Variants in TAS2R5 observed in about 807,000 individuals in gnomAD.
TAS2R5 encodes taste 2 receptor member 5.
Under a neutral mutation model 14.4 loss-of-function variants are expected in TAS2R5, and 11 were observed. The ratio of observed to expected loss-of-function variants is 0.77; its 90% CI spans 0.48 to 1.27. The LOEUF is 1.27. Among genes scored for constraint, TAS2R5 ranks in the 50% most tolerant of loss-of-function variants. The pLI is 0.00. For missense variants in TAS2R5, 339 were observed against 353.9 expected, an observed-to-expected ratio of 0.96 and a Z score of 0.34; for synonymous variants, 120 against 137.1, an observed-to-expected ratio of 0.87 and a Z score of 0.87.
At position 141,791,053 on chromosome 7, in the gene TAS2R5, A is replaced by T. The variant is rs756048842; in HGVS notation, c.692A>T (p.His231Leu). ...LKSLGCFLLL[H>L]LVYIMASPFS... ...TCCTTGGGCTGCTTCCTCTTACTTC[A>T]CCTGGTTTATATCATGGCCAGCCCC... The change falls in exon 1 of 1, where the codon CAC becomes CTC. Residue 231 changes from histidine to leucine, a missense_variant. His to Leu is a moderately conservative substitution (Grantham distance 99, BLOSUM62 -3). Coordinates refer to ENST00000247883, the MANE Select transcript of TAS2R5 (RefSeq NM_018980.3). The T allele has an allele frequency of 6.2e-7, 1 of 1,614,118 alleles. No individual in the cohort carries two copies. The highest frequency in any genetic ancestry group is 2.2e-5 in the East Asian group (1 of 44,886).
rs1240141220 is a variant in TAS2R5, at chr7:141,790,628, C to T, written c.267C>T (p.Ser89=). Residue 89 remains serine, a synonymous_variant, in exon 1 of 1, where the codon AGC becomes AGT. Coordinates refer to ENST00000247883, the MANE Select transcript of TAS2R5 (RefSeq NM_018980.3). ...RYLSIFWVLV[S]QASLWFATFL... ...TTAGTATCTTCTGGGTCCTGGTAAG[C>T]CAGGCCAGCTTATGGTTTGCCACCT... The T allele has an allele frequency of 1.9e-6, 3 of 1,614,044 alleles. No individual in the cohort carries two copies. Among genetic ancestry groups the T allele is most frequent in the Non-Finnish European group, 2.5e-6 (3 of 1,180,044 alleles).
chr7:141,791,322 G>C lies in TAS2R5; in HGVS notation c.*61G>C. ...ACGCTCTTTTGATAGCTCTCTATAA[G>C]GGAGCTGCTTTCCATGTCTTTTAAG... is the stretch of plus-strand genomic sequence containing the variant. On this transcript the variant is annotated 3_prime_UTR_variant, in exon 1 of 1. Coordinates refer to ENST00000247883, the MANE Select transcript of TAS2R5 (RefSeq NM_018980.3). The C allele has an allele frequency of 6.7e-7, 1 of 1,485,626 alleles. No homozygotes were observed. Among genetic ancestry groups the C allele is most frequent in the South Asian group, 1.3e-5 (1 of 74,182 alleles). 92.0% of individuals were successfully genotyped at this position (1,485,626 alleles called of 1,614,324 possible). A position where few individuals can be genotyped will look rare whatever the true frequency, so the allele number is the denominator to read the frequency against.
rs1161550220 is a variant in TAS2R5 at position 141,790,435 on chromosome 7, G to T, written c.74G>T (p.Gly25Val). ...VEFLIGLIGN[G>V]SLVVWSFREW... ...TTTCTCATCGGTTTAATTGGAAATG[G>T]AAGCCTGGTGGTCTGGAGTTTTAGA... Residue 25 changes from glycine (G) to valine (V), a missense_variant, in exon 1 of 1, where the codon GGA becomes GTA. Physicochemically the swap from Gly to Val is moderately radical, Grantham distance 109. Transcript: ENST00000247883. The T allele has an allele frequency of 6.2e-7, 1 of 1,614,078 alleles. No homozygotes were observed. The highest frequency in any genetic ancestry group is 8.5e-7 in the Non-Finnish European group (1 of 1,180,032).
At chr7:141,790,639 T>G in the TAS2R5 span, 19 of 1,614,056 alleles carry the variant, frequency 1.2e-5, no homozygotes, top group Non-Finnish European at 1.6e-5. Flanking sequence ...CAGGCCAGCT[T>G]ATGGTTTGCC....
chr7:141,791,295 G>A lies in TAS2R5; in HGVS notation c.*34G>A. ...GAAAAGTGTGGTCAGGACACTCTTG[G>A]GACGCTCTTTTGATAGCTCTCTATA... On this transcript the variant is annotated 3_prime_UTR_variant, in exon 1 of 1. Coordinates refer to ENST00000247883, the MANE Select transcript of TAS2R5 (RefSeq NM_018980.3). 1 of 1,574,258 alleles carries A rather than the reference G, an allele frequency of 6.4e-7. No homozygotes were observed.
In TAS2R5 at chr7:141,791,328, TGCTTTCCATGTC is replaced by T; in HGVS notation, c.*68_*79del. 2 of 1,455,054 alleles carry T rather than the reference TGCTTTCCATGTC, an allele frequency of 1.4e-6. No individual in the cohort carries two copies. The highest frequency in any genetic ancestry group is 1.4e-5 in the South Asian group (1 of 72,474). The allele number at this position is 1,455,054 out of a possible 1,614,324, so 90.1% of individuals were successfully genotyped here. A position where few individuals can be genotyped will look rare whatever the true frequency, so the allele number is the denominator to read the frequency against. On this transcript the variant is annotated 3_prime_UTR_variant, in exon 1 of 1. Coordinates refer to ENST00000247883, the MANE Select transcript of TAS2R5 (RefSeq NM_018980.3). ...TTTTGATAGCTCTCTATAAGGGAGC[TGCTTTCCATGTC>T]TTTTAAGATTTTCCTTCTTTTACAC...
chr7:141,790,845 T>C lies in TAS2R5; in HGVS notation c.484T>C (p.Phe162Leu), dbSNP rs754263571. Reference sequence around the variant, plus strand: ...AGGAAACAGCAGCATTCGGTATCCCTTTGAAAGCTGGCAGTACCTGTATGC... The same window carrying C: ...AGGAAACAGCAGCATTCGGTATCCCCTTGAAAGCTGGCAGTACCTGTATGC... Reference protein sequence around the residue: ...PQGNSSIRYPFESWQYLYAFQ... With the variant: ...PQGNSSIRYPLESWQYLYAFQ... The change falls in exon 1 of 1, where the codon TTT becomes CTT. Residue 162 changes from phenylalanine to leucine, a missense_variant. Physicochemically the swap from Phe to Leu is conservative, Grantham distance 22. Transcript: ENST00000247883. 2 of 1,614,128 alleles carry C rather than the reference T, an allele frequency of 1.2e-6. No individual in the cohort carries two copies. The highest frequency in any genetic ancestry group is 2.2e-5 in the South Asian group (2 of 91,062).
Position 141,791,201 on chromosome 7 carries a change from G to C in TAS2R5, c.840G>C (p.Lys280Asn), listed in dbSNP as rs778563102. 6.2e-7 allele frequency: 1 copy of C among 1,613,946 alleles called. No homozygotes were observed. Among genetic ancestry groups the C allele is most frequent in the Non-Finnish European group, 8.5e-7 (1 of 1,179,976 alleles). ...TGATCATGGGGATTCCTAGGGTGAAGCAGACTTGTCAGAAGATCCTGTGGA... is the reference window on the plus strand; with the variant it reads ...TGATCATGGGGATTCCTAGGGTGAACCAGACTTGTCAGAAGATCCTGTGGA... Reference protein sequence around the residue: ...LILIMGIPRVKQTCQKILWKT... With the variant: ...LILIMGIPRVNQTCQKILWKT... Residue 280 changes from lysine (K) to asparagine (N), a missense_variant, in exon 1 of 1, where the codon AAG becomes AAC. By Grantham distance (94) the Lys-to-Asn change is moderately conservative. Coordinates refer to ENST00000247883, the MANE Select transcript of TAS2R5 (RefSeq NM_018980.3).
Position 141,790,898 on chromosome 7 carries a change from G to C in TAS2R5, c.537G>C (p.Leu179Phe). 1 of 1,614,154 alleles carries C rather than the reference G, an allele frequency of 6.2e-7. No homozygotes were observed. The highest frequency in any genetic ancestry group is 8.5e-7 in the Non-Finnish European group (1 of 1,180,030). The part of the protein sequence containing the change: ...YAFQLNSGSY[L>F]PLVVFLVSSG... ...TTCAGCTCAATTCAGGAAGTTATTT[G>C]CCTTTAGTGGTGTTTCTTGTTTCCT... The change falls in exon 1 of 1, where the codon TTG becomes TTC. Residue 179 changes from leucine to phenylalanine, a missense_variant. Coordinates refer to ENST00000247883, the MANE Select transcript of TAS2R5 (RefSeq NM_018980.3).
chr7:141,791,043 C>T lies in TAS2R5; in HGVS notation c.682C>T (p.Leu228Phe), dbSNP rs747180926. 4.5e-5 allele frequency: 72 copies of T among 1,614,204 alleles called. No homozygotes were observed. The highest frequency in any genetic ancestry group is 6.0e-5 in the Non-Finnish European group (71 of 1,180,046). ...TGCGCTGAAGTCCTTGGGCTGCTTCCTCTTACTTCACCTGGTTTATATCAT... is the reference window on the plus strand; with the variant it reads ...TGCGCTGAAGTCCTTGGGCTGCTTCTTCTTACTTCACCTGGTTTATATCAT... ...ITALKSLGCF[L>F]LLHLVYIMAS... The change falls in exon 1 of 1, where the codon CTC (leucine) becomes TTC (phenylalanine). Residue 228 changes from leucine to phenylalanine, a missense_variant. Leu to Phe is a conservative substitution (Grantham distance 22). Transcript: ENST00000247883.
chr7:141,791,199 A>T, the TAS2R5 span: 3 of 1,614,034 alleles, frequency 1.9e-6, no homozygotes, highest in Non-Finnish European at 8.5e-7. Context: ...TCCTAGGGTG[A>T]AGCAGACTTG....
Position 141,790,731 on chromosome 7 carries a change from A to C in TAS2R5, c.370A>C (p.Asn124His), listed in dbSNP as rs138540211. 1.4e-5 allele frequency: 23 copies of C among 1,614,032 alleles called. No homozygotes were observed. Among genetic ancestry groups the C allele is most frequent in the Non-Finnish European group, 1.9e-5 (23 of 1,180,034 alleles). Reference protein sequence around the residue: ...AYLWLKQRAYNLSLWCLLGYF... With the variant: ...AYLWLKQRAYHLSLWCLLGYF... Reference sequence around the variant, plus strand: ...CTTGTGGCTGAAGCAGAGGGCCTATAACCTGAGTCTCTGGTGCCTTCTGGG... The same window carrying C: ...CTTGTGGCTGAAGCAGAGGGCCTATCACCTGAGTCTCTGGTGCCTTCTGGG... Residue 124 changes from asparagine (N) to histidine (H), a missense_variant, in exon 1 of 1, where the codon AAC (asparagine) becomes CAC (histidine). Asn to His is a moderately conservative substitution (Grantham distance 68). Coordinates refer to ENST00000247883, the MANE Select transcript of TAS2R5 (RefSeq NM_018980.3).
chr7:141,790,648 C>T lies in TAS2R5; in HGVS notation c.287C>T (p.Ala96Val), dbSNP rs868390910. 3 of 1,614,030 alleles carry T rather than the reference C, an allele frequency of 1.9e-6. No homozygotes were observed. The African/African-American group carries it at 4.0e-5, about 22-fold the overall frequency. ...VLVSQASLWFATFLSVFYCKK... is the reference protein window; with the variant it reads ...VLVSQASLWFVTFLSVFYCKK... Reference sequence around the variant, plus strand: ...GTAAGCCAGGCCAGCTTATGGTTTGCCACCTTCCTCAGTGTCTTCTATTGC... The same window carrying T: ...GTAAGCCAGGCCAGCTTATGGTTTGTCACCTTCCTCAGTGTCTTCTATTGC... The change falls in exon 1 of 1, where the codon GCC becomes GTC. Residue 96 changes from alanine to valine, a missense_variant. By Grantham distance (64) the Ala-to-Val change is moderately conservative. Coordinates refer to ENST00000247883, the MANE Select transcript of TAS2R5 (RefSeq NM_018980.3).
Position 141,790,347 on chromosome 7 carries a change from C to T in TAS2R5, c.-15C>T. The T allele has an allele frequency of 6.2e-7, 1 of 1,609,876 alleles. No homozygotes were observed. The highest frequency in any genetic ancestry group is 8.5e-7 in the Non-Finnish European group (1 of 1,177,828). On this transcript the variant is annotated 5_prime_UTR_variant, in exon 1 of 1. Transcript: ENST00000247883. ...GACCTCAGCCAGGAGCAGTGAGAGCCTCCTCTCCCCAGCCATGCTGAGCGC... is the reference window on the plus strand; with the variant it reads ...GACCTCAGCCAGGAGCAGTGAGAGCTTCCTCTCCCCAGCCATGCTGAGCGC...
Position 141,790,878 on chromosome 7 carries a change from C to T in TAS2R5, c.517C>T (p.Leu173Phe). ...CTGGCAGTACCTGTATGCATTTCAGCTCAATTCAGGAAGTTATTTGCCTTT... is the reference window on the plus strand; with the variant it reads ...CTGGCAGTACCTGTATGCATTTCAGTTCAATTCAGGAAGTTATTTGCCTTT... ...ESWQYLYAFQ[L>F]NSGSYLPLVV... Residue 173 changes from leucine (L) to phenylalanine (F), a missense_variant, in exon 1 of 1, where the codon CTC becomes TTC. By Grantham distance (22) the Leu-to-Phe change is conservative. Coordinates refer to ENST00000247883, the MANE Select transcript of TAS2R5 (RefSeq NM_018980.3). 6.2e-7 allele frequency: 1 copy of T among 1,614,154 alleles called. No homozygotes were observed. Among genetic ancestry groups the T allele is most frequent in the Non-Finnish European group, 8.5e-7 (1 of 1,180,010 alleles).
Position 141,790,745 on chromosome 7 carries a change from G to C in TAS2R5, c.384G>C (p.Trp128Cys). 1 of 1,614,096 alleles carries C rather than the reference G, an allele frequency of 6.2e-7. No homozygotes were observed. The highest frequency in any genetic ancestry group is 8.5e-7 in the Non-Finnish European group (1 of 1,180,018). Residue 128 changes from tryptophan (W) to cysteine (C), a missense_variant, in exon 1 of 1, where the codon TGG (tryptophan) becomes TGC (cysteine). Trp to Cys is a radical substitution (Grantham distance 215). Coordinates refer to ENST00000247883, the MANE Select transcript of TAS2R5 (RefSeq NM_018980.3). ...AGAGGGCCTATAACCTGAGTCTCTG[G>C]TGCCTTCTGGGCTACTTTATAATCA... ...LKQRAYNLSL[W>C]CLLGYFIINL... is the part of the protein sequence containing the mutation.
In TAS2R5 at chr7:141,791,226, A is replaced by C; in HGVS notation, c.865A>C (p.Lys289Gln). The C allele has an allele frequency of 6.2e-7, 1 of 1,614,004 alleles. No individual in the cohort carries two copies. The highest frequency in any genetic ancestry group is 1.3e-5 in the African/African-American group (1 of 75,052). Residue 289 changes from lysine (K) to glutamine (Q), a missense_variant, in exon 1 of 1, where the codon AAG becomes CAG. Physicochemically the swap from Lys to Gln is moderately conservative, Grantham distance 53. Coordinates refer to ENST00000247883, the MANE Select transcript of TAS2R5 (RefSeq NM_018980.3). Reference protein sequence around the residue: ...VKQTCQKILWKTVCARRCWGP With the variant: ...VKQTCQKILWQTVCARRCWGP ...GCAGACTTGTCAGAAGATCCTGTGG[A>C]AGACAGTGTGTGCTCGGAGATGCTG...
rs2234016 is a variant in TAS2R5 at position 141,791,242 on chromosome 7, G to A, written c.881G>A (p.Arg294Gln). 14 of 1,612,914 alleles carry A rather than the reference G, an allele frequency of 8.7e-6. No homozygotes were observed. In the Admixed American group the frequency reaches 1.2e-4, roughly 13 times the overall value. Residue 294 changes from arginine (R) to glutamine (Q), a missense_variant, in exon 1 of 1, where the codon CGG (arginine) becomes CAG (glutamine). Coordinates refer to ENST00000247883, the MANE Select transcript of TAS2R5 (RefSeq NM_018980.3). ...ATCCTGTGGAAGACAGTGTGTGCTC[G>A]GAGATGCTGGGGCCCATGATCTGGG... ...QKILWKTVCA[R>Q]RCWGP
chr7:141,790,871 A>T lies in TAS2R5; in HGVS notation c.510A>T (p.Ala170=). 6.2e-7 allele frequency: 1 copy of T among 1,614,146 alleles called. No homozygotes were observed. The highest frequency in any genetic ancestry group is 8.5e-7 in the Non-Finnish European group (1 of 1,180,014). ...TTGAAAGCTGGCAGTACCTGTATGC[A>T]TTTCAGCTCAATTCAGGAAGTTATT... ...YPFESWQYLY[A]FQLNSGSYLP... Residue 170 remains alanine, a synonymous_variant, in exon 1 of 1, where the codon GCA becomes GCT. Transcript: ENST00000247883.
Sources: allele counts gnomAD v4.1 joint callset, GRCh38; gene constraint gnomAD v4.1.1; transcripts MANE v1.5; gene names NCBI Gene and HGNC (gene_info 2026-07-23, HGNC 2026-07-21).